ZCCHC2: variants seen among roughly 807,000 people sequenced by gnomAD.
ZCCHC2 encodes zinc finger CCHC-type containing 2.
ZCCHC2 carries 39 observed loss-of-function variants against 103.6 expected under a neutral mutation model. The ratio of observed to expected loss-of-function variants is 0.38; its 90% CI spans 0.29 to 0.49. The LOEUF (loss-of-function observed/expected upper bound fraction) is 0.49, where lower values mean the gene tolerates loss of function less well. Among genes scored for constraint, ZCCHC2 ranks in the 20% least tolerant of loss-of-function variants. The probability of loss-of-function intolerance (pLI) is 0.96; values close to 1 mark genes in which losing one functional copy is unlikely to be tolerated. For synonymous variants in ZCCHC2, 687 were observed against 608.9 expected, an observed-to-expected ratio of 1.13 and a Z score of -1.89; for missense variants, 1,483 against 1,491.0, an observed-to-expected ratio of 0.99 and a Z score of 0.09.
chr18:62,550,610 G>C, intron 5 of ZCCHC2, 150 bp downstream of exon 5: 1 of 605,982 alleles, frequency 1.7e-6, no homozygotes, highest in Non-Finnish European at 2.9e-6. Context: ...TTTAGGTCTA[G>C]GCTCATAGTA....
rs140775004 is a variant in ZCCHC2 at position 62,543,479 on chromosome 18, C to G, written c.1128+905C>G. On this transcript the variant is annotated intron_variant, in intron 3 of 13. Coordinates refer to ENST00000269499, the MANE Select transcript of ZCCHC2 (RefSeq NM_017742.6). ...AGATCCTCAGTTTGCAGAATTTCAG[C>G]CCTCATCTCCTGGTGTCTTACTGCG... 8.5e-4 allele frequency among the ~76,000 whole-genome samples: 130 copies of G among 152,238 alleles called. 1 individual carries two copies. Among genetic ancestry groups the G allele is most frequent in the East Asian group, 2.3e-3 (12 of 5,184 alleles).
chr18:62,579,619 T>C (rs1270637398), downstream of ZCCHC2, among the ~76,000 whole-genome samples: 1 of 152,238 alleles, frequency 6.6e-6, no homozygotes, highest in Non-Finnish European at 1.5e-5. Context: ...GTGTAAATCA[T>C]GAACCCAGAT....
intron 1 of ZCCHC2, among the ~76,000 whole-genome samples, chr18:62,531,296 GC>G (rs1914661683): frequency 1.3e-5 from 2 of 152,218 alleles, no homozygotes; most frequent in African/African-American, 4.8e-5. Flanking sequence ...TACAGGTGTA[GC>G]CTGGCTGGGC....
In ZCCHC2 at chr18:62,546,935, C is replaced by T. The variant is rs997353017; in HGVS notation, c.1200+2062C>T. Among the ~76,000 whole-genome samples, 77 of 152,290 alleles carry T rather than the reference C, an allele frequency of 5.1e-4. 1 individual carries two copies. Among genetic ancestry groups the T allele is most frequent in the African/African-American group, 1.7e-3 (71 of 41,558 alleles). On this transcript the variant is annotated intron_variant, in intron 4 of 13. Transcript: ENST00000269499. ...CTCAGTTACATGAAATAATCTGCAACGTGTACTTCTGGAAACATACTGCCT... is the reference window on the plus strand; with the variant it reads ...CTCAGTTACATGAAATAATCTGCAATGTGTACTTCTGGAAACATACTGCCT...
chr18:62,524,820 C>T (rs775726144), intron 1 of ZCCHC2: 26 of 163,768 alleles, frequency 1.6e-4, no homozygotes, highest in Non-Finnish European at 3.9e-5. Flanking sequence ...GCTCCGCCTC[C>T]CGTCTCCGGG....
intron 11 of ZCCHC2, 40 bp from the exon 12 acceptor site, chr18:62,570,063 G>T: frequency 1.3e-6 from 2 of 1,516,056 alleles, no homozygotes; most frequent in South Asian, 1.3e-5. Flanking sequence ...AATTTAAAAT[G>T]ACTTAACATG....
Position 62,577,232 on chromosome 18 carries a change from G to A in ZCCHC2, c.*653G>A, listed in dbSNP as rs1231451531. On this transcript the variant is annotated 3_prime_UTR_variant, in exon 14 of 14. Coordinates refer to ENST00000269499, the MANE Select transcript of ZCCHC2 (RefSeq NM_017742.6). ...CAGTGCTTGTTGTCCAAATAGAAAT[G>A]AAAATAAGTGGAAGAGAGAGGAAGA... 1 of 152,594 alleles carries A rather than the reference G, an allele frequency of 6.6e-6. No homozygotes were observed. The highest frequency in any genetic ancestry group is 1.5e-5 in the Non-Finnish European group (1 of 68,040). 9.5% of individuals were successfully genotyped at this position (152,594 alleles called of 1,614,324 possible). A position where few individuals can be genotyped will look rare whatever the true frequency, so the allele number is the denominator to read the frequency against.
At chr18:62,558,388 G>A (rs182253853) in intron 6 of ZCCHC2, among the ~76,000 whole-genome samples, 1 of 152,308 alleles carries the variant, frequency 6.6e-6, no homozygotes, top group Admixed American at 6.5e-5. Context: ...CACCACAGAT[G>A]TTTAAGAAGC....
intron 1 of ZCCHC2, chr18:62,527,107 T>C (rs1156444764): frequency 1.3e-5 from 2 of 148,452 alleles, no homozygotes; most frequent in African/African-American, 2.5e-5. Flanking sequence ...TGAAGCTCTT[T>C]GGTGTGCCAA....
rs752061630 is a variant in ZCCHC2, at chr18:62,570,117, A to G, written c.1861A>G (p.Ile621Val). 2 of 1,604,842 alleles carry G rather than the reference A, an allele frequency of 1.2e-6. No homozygotes were observed. The highest frequency in any genetic ancestry group is 2.2e-5 in the South Asian group (2 of 89,118). ...GGTVKDVNLDIGSGHDTCGET... is the reference protein window; with the variant it reads ...GGTVKDVNLDVGSGHDTCGET... Reference sequence around the variant, plus strand: ...GTTATTTTTAGATGTGAATTTGGACATTGGCTCTGGACATGACACATGTGG... The same window carrying G: ...GTTATTTTTAGATGTGAATTTGGACGTTGGCTCTGGACATGACACATGTGG... The change falls in exon 12 of 14, where the codon ATT becomes GTT. Residue 621 changes from isoleucine to valine, a missense_variant. By Grantham distance (29) the Ile-to-Val change is conservative. Coordinates refer to ENST00000269499, the MANE Select transcript of ZCCHC2 (RefSeq NM_017742.6).
intron 1 of ZCCHC2, among the ~76,000 whole-genome samples, chr18:62,538,946 GA>G (rs1474138308): frequency 6.6e-6 from 1 of 152,112 alleles, no homozygotes; most frequent in Non-Finnish European, 1.5e-5. Context: ...AAAGGGAGGG[GA>G]TAAGGTGCAA....
rs1380341033 is a variant in ZCCHC2, at chr18:62,546,838, CAT to C, written c.1200+1967_1200+1968del. Among the ~76,000 whole-genome samples, 43 of 152,346 alleles carry C rather than the reference CAT, an allele frequency of 2.8e-4. No homozygotes were observed. The East Asian group carries it at 7.9e-3, about 28-fold the overall frequency. ...AAATAAGTAATTCACTCTTCAGAAT[CAT>C]AGCAATTGATGAACACCCTGCTTAG... On this transcript the variant is annotated intron_variant, in intron 4 of 13. Transcript: ENST00000269499.
At chr18:62,564,833 G>T (rs1916277410) in intron 10 of ZCCHC2, among the ~76,000 whole-genome samples, 169 bp from the exon 11 acceptor site, 1 of 152,156 alleles carries the variant, frequency 6.6e-6, no homozygotes, top group African/African-American at 2.4e-5. Context: ...TCAGTTTGGA[G>T]GGGTAAAACT....
chr18:62,566,883 T>G (rs1413789072), intron 11 of ZCCHC2, among the ~76,000 whole-genome samples: 3 of 152,210 alleles, frequency 2.0e-5, no homozygotes, highest in African/African-American at 7.2e-5. Context: ...ACTGCAGCAA[T>G]TTAGTTCCTT....
intron 1 of ZCCHC2, among the ~76,000 whole-genome samples, chr18:62,535,681 G>A (rs985810569): frequency 1.3e-5 from 2 of 152,158 alleles, no homozygotes; most frequent in African/African-American, 4.8e-5. Flanking sequence ...CCAGGGCTGA[G>A]GCTTCCCAGG....
chr18:62,546,961 A>G (rs535496097), intron 4 of ZCCHC2, among the ~76,000 whole-genome samples: 32 of 152,194 alleles, frequency 2.1e-4, no homozygotes, highest in Non-Finnish European at 4.0e-4. Flanking sequence ...CATACTGCCT[A>G]TTGTATGATA....
intron 11 of ZCCHC2, among the ~76,000 whole-genome samples, chr18:62,567,880 G>A (rs1189417138): frequency 7.0e-6 from 1 of 143,780 alleles, no homozygotes; most frequent in East Asian, 2.1e-4. Flanking sequence ...GGGAGGTGGA[G>A]GTTACAGTGA....
downstream of ZCCHC2, among the ~76,000 whole-genome samples, chr18:62,579,490 A>C (rs1916984570): frequency 6.6e-6 from 1 of 152,156 alleles, no homozygotes; most frequent in African/African-American, 2.4e-5. Flanking sequence ...CCATCTAATG[A>C]CTGTGCCCTC....
exon 15 of ZCCHC2, chr18:62,585,856 C>T (rs1568564754): frequency 6.6e-6 from 1 of 152,272 alleles, no homozygotes. Flanking sequence ...GAACTCTGCC[C>T]TGTTTTACAG....
Sources: gnomAD v4.1 joint callset for allele counts (sites outside exome capture counted in the v4.1 genomes callset) on GRCh38, gnomAD v4.1.1 for gene constraint, MANE v1.5 for transcripts, NCBI Gene and HGNC (gene_info 2026-07-23, HGNC 2026-07-21) for gene names.